BORA: variants seen among roughly 807,000 people sequenced by gnomAD.
The protein encoded by BORA is BORA aurora kinase A activator, also known as protein aurora borealis.
A neutral mutation model predicts 55.8 loss-of-function variants in BORA; 26 were observed. That is an observed-to-expected ratio of 0.47 (90% CI 0.34 to 0.65). BORA has a LOEUF of 0.65. BORA is among the 30% of genes least tolerant of loss of function. BORA has a pLI of 0.01. For synonymous variants in BORA, 201 were observed against 216.9 expected (o/e 0.93, Z 0.64); for missense variants, 568 against 671.5 (o/e 0.85, Z 1.70).
At chr13:72,741,834 A>C (rs2033038843) in intron 5 of BORA, among the ~76,000 whole-genome samples, 1 of 152,186 alleles carries the variant, frequency 6.6e-6, no homozygotes, top group Non-Finnish European at 1.5e-5. Flanking sequence ...AGGGGAGAAA[A>C]GGCAGGGAGG....
chr13:72,751,748 C>T (rs1172649427), intron 10 of BORA, among the ~76,000 whole-genome samples: 1 of 152,098 alleles, frequency 6.6e-6, no homozygotes, highest in East Asian at 1.9e-4. Flanking sequence ...TTGAAAGTTC[C>T]CAACGCAATG....
At chr13:72,744,452 T>A (rs768067539) in intron 6 of BORA, 53 bp from the exon 7 acceptor site, 140 of 1,470,100 alleles carry the variant, frequency 9.5e-5, no homozygotes, top group Non-Finnish European at 1.3e-4. Flanking sequence ...TAGTGTATAC[T>A]TTCATTGATT....
chr13:72,746,742 A>G lies in BORA; in HGVS notation c.1113A>G (p.Thr371=), dbSNP rs779336236. The G allele has an allele frequency of 1.9e-6, 3 of 1,614,048 alleles. No homozygotes were observed. In the African/African-American group the frequency reaches 4.0e-5, roughly 22 times the overall value. The change falls in exon 10 of 12, where the codon ACA becomes ACG. Residue 371 remains threonine (T), a synonymous_variant. Transcript: ENST00000390667. ...AAGATAAAGAGAATATTCCTTCCAC[A>G]GATGTCTCATCACCCGCCATGGATG... ...DEEDKENIPS[T]DVSSPAMDAA...
intron 11 of BORA, chr13:72,754,940 C>G: frequency 4.1e-6 from 2 of 487,274 alleles, no homozygotes; most frequent in Non-Finnish European, 7.3e-6. Context: ...TCCCAAACTC[C>G]TGGGCTCGTG....
chr13:72,749,598 A>C (rs577075733), intron 10 of BORA, among the ~76,000 whole-genome samples: 2 of 151,830 alleles, frequency 1.3e-5, no homozygotes, highest in Non-Finnish European at 2.9e-5. Context: ...TATTTTCTAC[A>C]CTTTTGAAAT....
chr13:72,735,593 A>G (rs960829201), intron 4 of BORA, among the ~76,000 whole-genome samples: 11 of 152,052 alleles, frequency 7.2e-5, no homozygotes, highest in Admixed American at 3.3e-4. Context: ...TAGCATCTAA[A>G]TAAGGTTATT....
chr13:72,747,664 G>A (rs2033178069), intron 10 of BORA, among the ~76,000 whole-genome samples: 1 of 151,828 alleles, frequency 6.6e-6, no homozygotes. Flanking sequence ...CTCCTGAGTA[G>A]CTGGGACTAC....
At chr13:72,737,026 G>A (rs1431881984) in intron 4 of BORA, among the ~76,000 whole-genome samples, 1 of 151,122 alleles carries the variant, frequency 6.6e-6, no homozygotes. Context: ...AGATTCATGG[G>A]TAATTTAGTT....
chr13:72,740,705 G>A (rs1399934430), intron 5 of BORA, among the ~76,000 whole-genome samples: 2 of 152,152 alleles, frequency 1.3e-5, no homozygotes, highest in Non-Finnish European at 2.9e-5. Context: ...AAAAGTAGCC[G>A]CTGACAATAT....
At chr13:72,743,683 C>T in intron 6 of BORA, 81 bp downstream of exon 6, 2 of 980,778 alleles carry the variant, frequency 2.0e-6, no homozygotes, top group Admixed American at 2.7e-5. Context: ...GGTAGTAACA[C>T]TTTACTCTGG....
At chr13:72,738,743 A>G (rs2032981683) in intron 5 of BORA, among the ~76,000 whole-genome samples, 1 of 152,214 alleles carries the variant, frequency 6.6e-6, no homozygotes, top group East Asian at 1.9e-4. Context: ...ACACAACATA[A>G]TAATACAACA....
intron 7 of BORA, 100 bp from the exon 8 acceptor site, chr13:72,744,881 T>G: frequency 9.0e-7 from 1 of 1,111,176 alleles, no homozygotes; most frequent in Non-Finnish European, 1.3e-6. Context: ...GGGAAAAAAT[T>G]CAAACATAGT....
intron 2 of BORA, among the ~76,000 whole-genome samples, chr13:72,729,859 T>C (rs1409862050): frequency 6.6e-6 from 1 of 152,212 alleles, no homozygotes; most frequent in African/African-American, 2.4e-5. Context: ...AGATGAGTAA[T>C]ATCAAGGCAG....
At chr13:72,741,457 C>T (rs770948983) in intron 5 of BORA, among the ~76,000 whole-genome samples, 3 of 152,104 alleles carry the variant, frequency 2.0e-5, no homozygotes, top group Non-Finnish European at 4.4e-5. Context: ...ATTGGAGTTG[C>T]TAACCTTTTT....
chr13:72,729,225 T>C, intron 2 of BORA, 132 bp downstream of exon 2: 1 of 767,550 alleles, frequency 1.3e-6, no homozygotes, highest in Non-Finnish European at 1.9e-6. Flanking sequence ...TGCAATATAC[T>C]TTTTTAAATT....
chr13:72,743,709 C>CTT (rs34245891), intron 6 of BORA, 107 bp downstream of exon 6: 7,063 of 602,260 alleles, frequency 0.012, no homozygotes, highest in East Asian at 0.031. Flanking sequence ...AAATTGTTTC[C>CTT]TTTTTTTTTT....
Position 72,748,960 on chromosome 13 carries a change from C to A in BORA, c.1482+1849C>A, listed in dbSNP as rs377277005. 7.8e-4 allele frequency among the ~76,000 whole-genome samples: 119 copies of A among 152,280 alleles called. 1 individual carries two copies. Among genetic ancestry groups the A allele is most frequent in the African/African-American group, 2.7e-3 (113 of 41,556 alleles). On this transcript the variant is annotated intron_variant, in intron 10 of 11. Coordinates refer to ENST00000390667, the MANE Select transcript of BORA (RefSeq NM_024808.5). ...ACTTCTCTTACTATTACAACCTCTT[C>A]CTTCTATTGGGTAAAAATATGTTAT...
Position 72,746,671 on chromosome 13 carries a change from G to C in BORA, c.1042G>C (p.Val348Leu). Reference protein sequence around the residue: ...YSGGTQYRTSVIQIPFTLETQ... With the variant: ...YSGGTQYRTSLIQIPFTLETQ... ...TGGTGGTACTCAGTATCGGACCTCAGTGATTCAGATACCTTTTACTCTTGA... is the reference window on the plus strand; with the variant it reads ...TGGTGGTACTCAGTATCGGACCTCACTGATTCAGATACCTTTTACTCTTGA... The change falls in exon 10 of 12, where the codon GTG becomes CTG. Residue 348 changes from valine (V) to leucine (L), a missense_variant. Transcript: ENST00000390667. The C allele has an allele frequency of 4.3e-6, 7 of 1,614,078 alleles. No homozygotes were observed. The highest frequency in any genetic ancestry group is 5.9e-6 in the Non-Finnish European group (7 of 1,179,956).
At position 72,743,591 on chromosome 13, in the gene BORA, AG is replaced by A. The variant is rs762512528; in HGVS notation, c.444del (p.Ser150AlafsTer17). ...PVGKKLTIHS[E>X]KSDAACQTLL... ...GGAAAAAAGCTGACCATTCATTCTG[AG>A]AAAAGCGATGGTGAGTATGAACACA... On this transcript the variant is annotated frameshift_variant, in exon 6 of 12. Coordinates refer to ENST00000390667, the MANE Select transcript of BORA (RefSeq NM_024808.5). LOFTEE classifies it high-confidence loss of function. 1.2e-6 allele frequency: 2 copies of A among 1,605,478 alleles called. No homozygotes were observed. Among genetic ancestry groups the A allele is most frequent in the Non-Finnish European group, 1.7e-6 (2 of 1,177,430 alleles).
Sources: allele counts gnomAD v4.1 joint callset (sites outside exome capture counted in the v4.1 genomes callset), GRCh38; gene constraint gnomAD v4.1.1; transcripts MANE v1.5; gene names NCBI Gene and HGNC (gene_info 2026-07-23, HGNC 2026-07-21).